Variants in SYN3 observed in about 807,000 individuals in gnomAD.
SYN3 encodes the protein synapsin-3.
In SYN3, 35 loss-of-function variants were observed where a neutral mutation model predicts 65.8. The ratio of observed to expected loss-of-function variants is 0.53; its 90% CI spans 0.41 to 0.70. The LOEUF is 0.70. Among genes scored for constraint, SYN3 ranks in the 30% least tolerant of loss-of-function variants. SYN3 has a pLI of 0.00. For missense variants in SYN3, 680 were observed against 749.0 expected (o/e 0.91, Z 1.08); for synonymous variants, 270 against 292.9 (o/e 0.92, Z 0.80).
At position 32,761,072 on chromosome 22, in the gene SYN3, T is replaced by A. The variant is rs563000908; in HGVS notation, c.711+103843A>T. Reference sequence around the variant, plus strand: ...GCTCTTCAATCTAGAGGACAGCAGCTGCTGCCAGCCTCTGAGGGCTGGGAG... The same window carrying A: ...GCTCTTCAATCTAGAGGACAGCAGCAGCTGCCAGCCTCTGAGGGCTGGGAG... On this transcript the variant is annotated intron_variant, in intron 6 of 13. Coordinates refer to ENST00000358763, the MANE Select transcript of SYN3 (RefSeq NM_003490.4). Among the ~76,000 whole-genome samples the A allele has an allele frequency of 6.6e-5, 10 of 152,264 alleles. No homozygotes were observed. In the East Asian group the frequency reaches 1.9e-3, roughly 29 times the overall value.
At chr22:32,737,465 C>G (rs570823647) in intron 6 of SYN3, among the ~76,000 whole-genome samples, 136 of 152,254 alleles carry the variant, frequency 8.9e-4, no homozygotes, top group African/African-American at 2.9e-3. Flanking sequence ...ATCCCTCCCC[C>G]TCCCCCAACC....
intron 6 of SYN3, among the ~76,000 whole-genome samples, chr22:32,626,638 A>G (rs1210357662): frequency 6.6e-6 from 1 of 152,196 alleles, no homozygotes; most frequent in Admixed American, 6.5e-5. Flanking sequence ...ATGGTGGAGC[A>G]GGGAGAAGTG....
At chr22:32,805,301 GC>G (rs1187753207) in intron 6 of SYN3, among the ~76,000 whole-genome samples, 1 of 152,174 alleles carries the variant, frequency 6.6e-6, no homozygotes, top group Non-Finnish European at 1.5e-5. Flanking sequence ...TCTGACAGGG[GC>G]CAGTGCCAGC....
chr22:32,730,041 A>T (rs905104784), intron 6 of SYN3, among the ~76,000 whole-genome samples: 2 of 152,200 alleles, frequency 1.3e-5, no homozygotes, highest in Non-Finnish European at 2.9e-5. Context: ...TTAGATTTTC[A>T]TGAGGGCAAT....
intron 2 of SYN3, among the ~76,000 whole-genome samples, chr22:32,988,630 C>T (rs1403041436): frequency 2.0e-5 from 3 of 152,056 alleles, no homozygotes; most frequent in African/African-American, 7.2e-5. Flanking sequence ...AGCATTCACA[C>T]AAATATCCCC....
chr22:33,033,882 C>T (rs1271325646), intron 1 of SYN3, among the ~76,000 whole-genome samples: 1 of 152,058 alleles, frequency 6.6e-6, no homozygotes, highest in Non-Finnish European at 1.5e-5. Flanking sequence ...ACAATGATCA[C>T]AATTAAAAAC....
At chr22:32,545,129 C>T (rs989947890) in intron 7 of SYN3, among the ~76,000 whole-genome samples, 2 of 152,322 alleles carry the variant, frequency 1.3e-5, no homozygotes, top group East Asian at 1.9e-4. Context: ...TCTCCCCTTG[C>T]TGGCTGGAGT....
At chr22:32,606,794 CTT>C (rs1237656387) in intron 6 of SYN3, among the ~76,000 whole-genome samples, 3 of 145,194 alleles carry the variant, frequency 2.1e-5, no homozygotes, top group Admixed American at 1.3e-4. Context: ...TCAGCCAACT[CTT>C]TATTTTTTAT....
rs1419167771 is a variant in SYN3 at position 32,734,724 on chromosome 22, C to T, written c.711+130191G>A. 2.6e-5 allele frequency among the ~76,000 whole-genome samples: 4 copies of T among 152,152 alleles called. No individual in the cohort carries two copies. The East Asian group carries it at 7.7e-4, about 29-fold the overall frequency. ...TAGGACATTCCTGGGTTTATTTGTG[C>T]CTCTGGATTCCACAGGACATTCCCC... On this transcript the variant is annotated intron_variant, in intron 6 of 13. Coordinates refer to ENST00000358763, the MANE Select transcript of SYN3 (RefSeq NM_003490.4).
chr22:32,969,268 AAGAAG>A (rs1210114678), intron 3 of SYN3, among the ~76,000 whole-genome samples: 3 of 152,160 alleles, frequency 2.0e-5, no homozygotes, highest in Non-Finnish European at 4.4e-5. Flanking sequence ...TCCAGCAGAA[AAGAAG>A]AGGAGAGTCT....
At chr22:32,975,281 A>C (rs142470766) in intron 3 of SYN3, among the ~76,000 whole-genome samples, 8,034 of 151,822 alleles carry the variant, frequency 0.053, 694 homozygotes, top group African/African-American at 0.18. Context: ...AGGCTGAGGC[A>C]CGAGAATCAC....
At chr22:32,869,468 C>G (rs1195082151) in intron 4 of SYN3, among the ~76,000 whole-genome samples, 1 of 151,808 alleles carries the variant, frequency 6.6e-6, no homozygotes, top group African/African-American at 2.4e-5. Flanking sequence ...CAAGGTACCA[C>G]GCACTCTACT....
At chr22:33,029,022 A>G (rs2053700496) in intron 1 of SYN3, among the ~76,000 whole-genome samples, 2 of 151,724 alleles carry the variant, frequency 1.3e-5, no homozygotes, top group South Asian at 4.2e-4. Context: ...CCTGGGTGAC[A>G]GAGCGAGACT....
chr22:33,035,330 ACCCC>A (rs133975), intron 1 of SYN3, among the ~76,000 whole-genome samples: 2 of 31,448 alleles, frequency 6.4e-5, no homozygotes, highest in African/African-American at 1.7e-4. Flanking sequence ...AAATCTCGGG[ACCCC>A]CCCCCCCCCC....
chr22:32,616,658 C>T (rs547750667), intron 6 of SYN3, among the ~76,000 whole-genome samples: 43 of 152,182 alleles, frequency 2.8e-4, no homozygotes, highest in African/African-American at 9.9e-4. Flanking sequence ...CAGAAAGGAC[C>T]CAGACCCTAC....
chr22:32,531,251 C>A (rs2058067073), intron 10 of SYN3, among the ~76,000 whole-genome samples: 1 of 151,408 alleles, frequency 6.6e-6, no homozygotes, highest in Non-Finnish European at 1.5e-5. Flanking sequence ...CCTCCTGGAT[C>A]CCAGCGCCCC....
rs569994363 is a variant in SYN3, at chr22:32,976,739, C to T, written c.369+3906G>A. 3.9e-5 allele frequency among the ~76,000 whole-genome samples: 6 copies of T among 152,266 alleles called. 1 individual carries two copies. Among genetic ancestry groups the T allele is most frequent in the African/African-American group, 1.4e-4 (6 of 41,562 alleles). On this transcript the variant is annotated intron_variant, in intron 3 of 13. Transcript: ENST00000358763. The stretch of plus-strand genomic sequence containing the variant: ...GGGCCTCCCCAGGGTTTCTTGATTC[C>T]TGGCTCTGTAAAAGTTGAGGCAAGC...
chr22:32,977,029 T>C (rs564390997), intron 3 of SYN3, among the ~76,000 whole-genome samples: 2 of 152,034 alleles, frequency 1.3e-5, no homozygotes, highest in Non-Finnish European at 2.9e-5. Context: ...CACCCATTGA[T>C]ACAGATGGGC....
chr22:32,847,212 G>A (rs2048090645), intron 6 of SYN3, among the ~76,000 whole-genome samples: 1 of 152,218 alleles, frequency 6.6e-6, no homozygotes, highest in Non-Finnish European at 1.5e-5. Context: ...AGGTGAAGCT[G>A]TTATAACCTG....
Sources: gnomAD v4.1 joint callset for allele counts (sites outside exome capture counted in the v4.1 genomes callset) on GRCh38, gnomAD v4.1.1 for gene constraint, MANE v1.5 for transcripts, NCBI Gene and HGNC (gene_info 2026-07-23, HGNC 2026-07-21) for gene names.